Variants in CFAP20DC observed in about 807,000 individuals in gnomAD.
CFAP20DC encodes CFAP20 domain containing, also known as protein CFAP20DC.
A neutral mutation model predicts 101.7 loss-of-function variants in CFAP20DC; 84 were observed. That is an observed-to-expected ratio of 0.83 (90% CI 0.69 to 0.99). The LOEUF is 0.99. Ranked by LOEUF, CFAP20DC falls within the 50% of genes least tolerant of loss-of-function variation. The pLI, the probability that CFAP20DC is intolerant of heterozygous loss-of-function variation, is 0.00. For missense variants in CFAP20DC, 1,007 were observed against 970.3 expected (o/e 1.04, Z -0.50); for synonymous variants, 359 against 351.2 (o/e 1.02, Z -0.25).
Position 58,843,540 on chromosome 3 carries a change from G to A in CFAP20DC, c.1971+5492C>T, listed in dbSNP as rs1033376194. On this transcript the variant is annotated intron_variant, in intron 13 of 16. Transcript: ENST00000482387. ...AAAAGACCAAATCTACGTCTGATTG[G>A]TGTACCTGAAAGTAATGGGGAGAAT... Among the ~76,000 whole-genome samples the A allele has an allele frequency of 4.4e-3, 675 of 152,044 alleles. 8 individuals are homozygous for A. The highest frequency in any genetic ancestry group is 0.015 in the African/African-American group (625 of 41,450).
At chr3:58,886,781 G>A (rs1008895797) in intron 6 of CFAP20DC, among the ~76,000 whole-genome samples, 3 of 152,028 alleles carry the variant, frequency 2.0e-5, no homozygotes, top group Admixed American at 1.3e-4. Flanking sequence ...TATACCAAAT[G>A]AAACTAACTT....
At chr3:59,026,624 G>A (rs1328189927) in intron 4 of CFAP20DC, among the ~76,000 whole-genome samples, 3 of 152,186 alleles carry the variant, frequency 2.0e-5, no homozygotes, top group African/African-American at 4.8e-5. Flanking sequence ...TAAAGAGGCT[G>A]AGGAAGACCG....
chr3:58,801,843 C>T (rs1334791032), intron 15 of CFAP20DC, among the ~76,000 whole-genome samples: 4 of 152,148 alleles, frequency 2.6e-5, no homozygotes, highest in African/African-American at 9.7e-5. Context: ...GGATTCAGGC[C>T]CTAACACAAT....
intron 4 of CFAP20DC, among the ~76,000 whole-genome samples, chr3:59,008,953 T>C (rs1325226823): frequency 6.6e-6 from 1 of 151,932 alleles, no homozygotes; most frequent in African/African-American, 2.4e-5. Context: ...ATCCCTGCCA[T>C]TATAACTCCA....
At chr3:58,807,368 A>C (rs944796642) in intron 14 of CFAP20DC, among the ~76,000 whole-genome samples, 3 of 152,098 alleles carry the variant, frequency 2.0e-5, no homozygotes, top group Non-Finnish European at 4.4e-5. Context: ...CTGAGATAAA[A>C]CTTCCAGAGG....
chr3:58,844,534 G>A (rs2077441443), intron 13 of CFAP20DC, among the ~76,000 whole-genome samples: 1 of 138,546 alleles, frequency 7.2e-6, no homozygotes, highest in East Asian at 2.3e-4. Context: ...GACCTACAAA[G>A]AGACTTAGAC....
chr3:58,889,628 T>C (rs2081982880), intron 6 of CFAP20DC, among the ~76,000 whole-genome samples: 2 of 145,498 alleles, frequency 1.4e-5, no homozygotes, highest in African/African-American at 5.1e-5. Context: ...CATGGGACAA[T>C]AGTGGAGGGA....
At chr3:58,763,594 T>C (rs2069910024) in intron 15 of CFAP20DC, among the ~76,000 whole-genome samples, 1 of 152,246 alleles carries the variant, frequency 6.6e-6, no homozygotes, top group South Asian at 2.1e-4. Flanking sequence ...GCTGCATTCC[T>C]TTAGAGGAGG....
chr3:58,921,486 T>A (rs1386753038), intron 5 of CFAP20DC, among the ~76,000 whole-genome samples: 1 of 152,154 alleles, frequency 6.6e-6, no homozygotes, highest in East Asian at 1.9e-4. Context: ...TATTCTAATT[T>A]TTTTTTACAT....
intron 3 of CFAP20DC, among the ~76,000 whole-genome samples, chr3:58,725,578 C>T (rs1364915576): frequency 6.6e-6 from 1 of 152,184 alleles, no homozygotes; most frequent in Non-Finnish European, 1.5e-5. Flanking sequence ...GATTTTATTA[C>T]TTGCAAGAAG....
At chr3:59,023,774 T>C (rs187889546) in intron 4 of CFAP20DC, among the ~76,000 whole-genome samples, 1 of 152,068 alleles carries the variant, frequency 6.6e-6, no homozygotes, top group South Asian at 2.1e-4. Context: ...TTAGAGTACC[T>C]CGAAACACAG....
chr3:58,896,750 G>A (rs530480341), intron 6 of CFAP20DC, among the ~76,000 whole-genome samples: 2 of 152,116 alleles, frequency 1.3e-5, no homozygotes, highest in Non-Finnish European at 2.9e-5. Context: ...CTGAGGGACT[G>A]TTTGTTACAA....
At position 58,861,029 on chromosome 3, in the gene CFAP20DC, G is replaced by T. The variant is rs1334765071; in HGVS notation, c.1593+2529C>A. On this transcript the variant is annotated intron_variant, in intron 12 of 16. Coordinates refer to ENST00000482387, the MANE Select transcript of CFAP20DC (RefSeq NM_001394063.1). The surrounding 1 kb of genome is among the most constrained non-coding windows in gnomAD (Gnocchi z 4.0). The stretch of plus-strand genomic sequence containing the variant: ...TATGCAAAAAATTCATACTTTTGAG[G>T]CTCCAACACTAAGATCTCAGATGTG... Among the ~76,000 whole-genome samples the T allele has an allele frequency of 6.6e-6, 1 of 152,068 alleles. No homozygotes were observed. The highest frequency in any genetic ancestry group is 1.5e-5 in the Non-Finnish European group (1 of 67,980).
At chr3:58,968,847 C>T (rs931081589) in intron 4 of CFAP20DC, among the ~76,000 whole-genome samples, 1 of 152,174 alleles carries the variant, frequency 6.6e-6, no homozygotes, top group South Asian at 2.1e-4. Context: ...TTGGGATTTA[C>T]ATTTAAGTGT....
chr3:58,836,569 T>A (rs2076751737), intron 13 of CFAP20DC, among the ~76,000 whole-genome samples: 1 of 152,068 alleles, frequency 6.6e-6, no homozygotes, highest in Admixed American at 6.6e-5. Context: ...ATTCTGTTCT[T>A]CATGGGCTGA....
Position 58,721,557 on chromosome 3 carries a change from G to A in CFAP20DC, c.198-3929C>T, listed in dbSNP as rs139571288. Among the ~76,000 whole-genome samples, 242 of 152,260 alleles carry A rather than the reference G, an allele frequency of 1.6e-3. 2 individuals are homozygous for A. The highest frequency in any genetic ancestry group is 5.4e-3 in the African/African-American group (223 of 41,546). On this transcript the variant is annotated intron_variant, in intron 3 of 3. Coordinates refer to the CFAP20DC transcript ENST00000486145. The surrounding 1 kb of genome is among the most constrained non-coding windows in gnomAD (Gnocchi z 5.2). Reference sequence around the variant, plus strand: ...CAACAGGGAAGGAAGGGAGCAAGTCGTAGCACCCAAGACCCCAGGGTAGGA... The same window carrying A: ...CAACAGGGAAGGAAGGGAGCAAGTCATAGCACCCAAGACCCCAGGGTAGGA...
chr3:58,995,118 A>G (rs920513079), intron 4 of CFAP20DC, among the ~76,000 whole-genome samples: 1 of 152,178 alleles, frequency 6.6e-6, no homozygotes, highest in Non-Finnish European at 1.5e-5. Flanking sequence ...TTTCTCTGGA[A>G]TGACAGAGGG....
chr3:58,763,002 G>T (rs1398713403), intron 15 of CFAP20DC, among the ~76,000 whole-genome samples: 3 of 152,118 alleles, frequency 2.0e-5, no homozygotes, highest in African/African-American at 4.8e-5. Context: ...TGGTGAATCT[G>T]ACAATGATGT....
intron 5 of CFAP20DC, among the ~76,000 whole-genome samples, chr3:58,936,613 T>C (rs1395928735): frequency 6.6e-6 from 1 of 152,220 alleles, no homozygotes; most frequent in East Asian, 1.9e-4. Flanking sequence ...GAAGAGTTCA[T>C]GTCGTTTGTA....
Sources: gnomAD v4.1 joint callset for allele counts (sites outside exome capture counted in the v4.1 genomes callset) on GRCh38, gnomAD v4.1.1 for gene constraint, Gnocchi (gnomAD v3.1) non-coding constraint, MANE v1.5 for transcripts, NCBI Gene and HGNC (gene_info 2026-07-23, HGNC 2026-07-21) for gene names.